ZIC2: variants seen among roughly 807,000 people sequenced by gnomAD.
ZIC2 encodes Zic family zinc finger 2.
In ZIC2, 7 loss-of-function variants were observed where a neutral mutation model predicts 29.5. The observed-to-expected ratio is 0.24, with a 90% CI of 0.14 to 0.45. The LOEUF (loss-of-function observed/expected upper bound fraction) is 0.45, where lower values mean the gene tolerates loss of function less well. ZIC2 is among the 20% of genes least tolerant of loss of function. The pLI is 1.00. For synonymous variants in ZIC2, 408 were observed against 354.2 expected (o/e 1.15, Z -1.70); for missense variants, 589 against 781.2 (o/e 0.75, Z 2.93).
rs398124241 is a variant in ZIC2, at chr13:99,982,753, CCCACCACCA to C, written c.710_718del (p.His237_His239del). ...GGTATGAACATGGCAGCAGCCGCGGCCCACCACCACCACCACCACCACCACCACCCCGGT... is the reference window on the plus strand; with the variant it reads ...GGTATGAACATGGCAGCAGCCGCGGCCCACCACCACCACCACCACCCCGGT... On this transcript the variant is annotated inframe_deletion, in exon 1 of 3. Coordinates refer to ENST00000376335, the MANE Select transcript of ZIC2 (RefSeq NM_007129.5). 3.4e-4 allele frequency: 536 copies of C among 1,596,626 alleles called. 1 individual carries two copies. The highest frequency in any genetic ancestry group is 4.1e-4 in the Non-Finnish European group (479 of 1,176,100).
In ZIC2 at chr13:99,985,117, C is replaced by A. The variant is rs760273107; in HGVS notation, c.1239+8C>A. 2.5e-6 allele frequency: 4 copies of A among 1,613,888 alleles called. No homozygotes were observed. Among genetic ancestry groups the A allele is most frequent in the Non-Finnish European group, 3.4e-6 (4 of 1,179,908 alleles). Reference sequence around the variant, plus strand: ...CTGCGGAAGCACATGAAGGTACCACCGCGGCGGCCGGGAGGAGGGCGAGGC... The same window carrying A: ...CTGCGGAAGCACATGAAGGTACCACAGCGGCGGCCGGGAGGAGGGCGAGGC... On this transcript the variant is annotated splice_region_variant and intron_variant, in intron 2 of 2. Transcript: ENST00000376335. The surrounding 1 kb of genome is among the most constrained non-coding windows in gnomAD (Gnocchi z 6.3).
Position 99,985,207 on chromosome 13 carries a change from G to A in ZIC2, c.1239+98G>A. ...AGCCGGCCTGGGAGGGTCCCCAGGG[G>A]CCAGGGCGGCGGGGGGAACATTTCT... On this transcript the variant is annotated intron_variant, in intron 2 of 2. Transcript: ENST00000376335. This position sits in a 1 kb window ranked among gnomAD's most constrained non-coding sequence, Gnocchi z 6.3. 1 of 1,604,182 alleles carries A rather than the reference G, an allele frequency of 6.2e-7. No individual in the cohort carries two copies.
At chr13:99,984,673 G>A (rs181304244) in intron 1 of ZIC2, 313 of 471,306 alleles carry the variant, frequency 6.6e-4, no homozygotes, top group African/African-American at 5.7e-3. Flanking sequence ...AGAAAGGCAG[G>A]CAGGGCTAGG....
intron 1 of ZIC2, 86 bp from the exon 2 acceptor site, chr13:99,984,860 G>A (rs950626015): frequency 1.3e-5 from 21 of 1,583,838 alleles, no homozygotes; most frequent in Admixed American, 1.7e-5. Context: ...CTTCTCCCTC[G>A]CCGCGGCCCA....
Position 99,986,186 on chromosome 13 carries a change from T to C in ZIC2, c.*504T>C, listed in dbSNP as rs755384402. 133 of 324,768 alleles carry C rather than the reference T, an allele frequency of 4.1e-4. 2 individuals carry two copies. The highest frequency in any genetic ancestry group is 2.5e-3 in the Middle Eastern group (6 of 2,408). 20.1% of individuals were successfully genotyped at this position (324,768 alleles called of 1,614,324 possible). Reference sequence around the variant, plus strand: ...TGGGCTTTCTCTTTTCTCTTTTTAGTTTACCCGGTTTCTTTTTAAGTAATG... The same window carrying C: ...TGGGCTTTCTCTTTTCTCTTTTTAGCTTACCCGGTTTCTTTTTAAGTAATG... On this transcript the variant is annotated 3_prime_UTR_variant, in exon 3 of 3. Transcript: ENST00000376335.
rs768387725 is a variant in ZIC2 at position 99,986,041 on chromosome 13, ACTC to A, written c.*365_*367del. 16 of 455,236 alleles carry A rather than the reference ACTC, an allele frequency of 3.5e-5. No individual in the cohort carries two copies. Among genetic ancestry groups the A allele is most frequent in the South Asian group, 2.0e-4 (13 of 64,432 alleles). 28.2% of individuals were successfully genotyped at this position (455,236 alleles called of 1,614,324 possible). A position where few individuals can be genotyped will look rare whatever the true frequency, so the allele number is the denominator to read the frequency against. On this transcript the variant is annotated 3_prime_UTR_variant, in exon 3 of 3. Transcript: ENST00000376335. ...TTCTGACAAACTGTGTACATAGCGGACTCCTCCTTTCTCCTCCGAGGTGGTTTT... is the reference window on the plus strand; with the variant it reads ...TTCTGACAAACTGTGTACATAGCGGACTCCTTTCTCCTCCGAGGTGGTTTT...
chr13:99,981,932 G>A lies in ZIC2; in HGVS notation c.-133G>A. 8 of 1,176,618 alleles carry A rather than the reference G, an allele frequency of 6.8e-6. No homozygotes were observed. The highest frequency in any genetic ancestry group is 8.4e-6 in the Non-Finnish European group (8 of 954,364). 72.9% of individuals were successfully genotyped at this position (1,176,618 alleles called of 1,614,324 possible). On this transcript the variant is annotated 5_prime_UTR_variant, in exon 1 of 3. Coordinates refer to ENST00000376335, the MANE Select transcript of ZIC2 (RefSeq NM_007129.5). Reference sequence around the variant, plus strand: ...GCGGGCGCAGGAGAGCGGCTCCCAGGGCTGAAGTGGCCGCCACCACCGCCG... The same window carrying A: ...GCGGGCGCAGGAGAGCGGCTCCCAGAGCTGAAGTGGCCGCCACCACCGCCG...
In ZIC2 at chr13:99,982,142, G is replaced by C. The variant is rs747154732; in HGVS notation, c.78G>C (p.Ala26=). Residue 26 remains alanine, a synonymous_variant, in exon 1 of 3, where the codon GCG becomes GCC. Transcript: ENST00000376335. ...SFARHHHHSA[A]AAAAAAAEMQ... The stretch of plus-strand genomic sequence containing the variant: ...CGCGCCACCATCACCACTCCGCCGC[G>C]GCGGCGGCGGCGGCTGCCGCCGAGA... 19 of 1,291,214 alleles carry C rather than the reference G, an allele frequency of 1.5e-5. No individual in the cohort carries two copies. The Admixed American group carries it at 2.0e-4, about 13-fold the overall frequency. The allele number at this position is 1,291,214 out of a possible 1,614,324, so 80.0% of individuals were successfully genotyped here.
Position 99,982,205 on chromosome 13 carries a change from C to G in ZIC2, c.141C>G (p.Asn47Lys). The G allele has an allele frequency of 1.3e-6, 2 of 1,503,004 alleles. No individual in the cohort carries two copies. The highest frequency in any genetic ancestry group is 1.8e-6 in the Non-Finnish European group (2 of 1,132,592). 93.1% of individuals were successfully genotyped at this position (1,503,004 alleles called of 1,614,324 possible). A position where few individuals can be genotyped will look rare whatever the true frequency, so the allele number is the denominator to read the frequency against. Residue 47 changes from asparagine (N) to lysine (K), a missense_variant, in exon 1 of 3, where the codon AAC becomes AAG. Physicochemically the swap from Asn to Lys is moderately conservative, Grantham distance 94 (BLOSUM62 0). Transcript: ENST00000376335. ...AACTGAGCCTGGCGGCGGCGCAGAA[C>G]GGCTTCGTTGACTCCGCCGCCGCGC... ...DRELSLAAAQNGFVDSAAAHM... is the reference protein window; with the variant it reads ...DRELSLAAAQKGFVDSAAAHM...
chr13:99,983,267 T>A lies in ZIC2; in HGVS notation c.1075+128T>A. On this transcript the variant is annotated intron_variant, in intron 1 of 2. Coordinates refer to ENST00000376335, the MANE Select transcript of ZIC2 (RefSeq NM_007129.5). This position sits in a 1 kb window ranked among gnomAD's most constrained non-coding sequence, Gnocchi z 4.7. ...ACCTGGGATGGGAGGTGTTTTTGCGTGTACGAAAGAGCCAGCAGCTTGTTT... is the reference window on the plus strand; with the variant it reads ...ACCTGGGATGGGAGGTGTTTTTGCGAGTACGAAAGAGCCAGCAGCTTGTTT... 7.9e-7 allele frequency: 1 copy of A among 1,262,334 alleles called. No homozygotes were observed. Among genetic ancestry groups the A allele is most frequent in the Non-Finnish European group, 1.1e-6 (1 of 925,690 alleles). 78.2% of individuals were successfully genotyped at this position (1,262,334 alleles called of 1,614,324 possible).
At position 99,985,540 on chromosome 13, in the gene ZIC2, G is replaced by GAGGCGGCTC. The variant is rs1263283600; in HGVS notation, c.1465_1473dup (p.Ser489_Gly491dup). 2.0e-6 allele frequency: 2 copies of GAGGCGGCTC among 1,002,266 alleles called. No individual in the cohort carries two copies. The highest frequency in any genetic ancestry group is 2.1e-4 in the East Asian group (2 of 9,430). 62.1% of individuals were successfully genotyped at this position (1,002,266 alleles called of 1,614,324 possible). On this transcript the variant is annotated inframe_insertion, in exon 3 of 3. Transcript: ENST00000376335. The surrounding 1 kb of genome is among the most constrained non-coding windows in gnomAD (Gnocchi z 6.3). ...GGAGGCTCGGGCAGTGGCGGCGCGG[G>GAGGCGGCTC]AGGCGGCTCAGGCGGCGGCAGCGGC...
intron 1 of ZIC2, 28 bp from the exon 2 acceptor site, chr13:99,984,918 A>G: frequency 1.2e-6 from 2 of 1,613,864 alleles, no homozygotes; most frequent in Non-Finnish European, 1.7e-6. Context: ...GGGTGTCTGC[A>G]GCCAGCGCCG....
chr13:99,982,728 G>A lies in ZIC2; in HGVS notation c.664G>A (p.Gly222Ser). 23 of 1,601,342 alleles carry A rather than the reference G, an allele frequency of 1.4e-5. No individual in the cohort carries two copies. Among genetic ancestry groups the A allele is most frequent in the Non-Finnish European group, 1.8e-5 (21 of 1,179,892 alleles). The change falls in exon 1 of 3, where the codon GGT (glycine) becomes AGT (serine). Residue 222 changes from glycine to serine, a missense_variant. Physicochemically the swap from Gly to Ser is moderately conservative, Grantham distance 56. Coordinates refer to ENST00000376335, the MANE Select transcript of ZIC2 (RefSeq NM_007129.5). ...NQYGPMNMNM[G>S]MNMAAAAAHH... Reference sequence around the variant, plus strand: ...GTACGGCCCCATGAATATGAACATGGGTATGAACATGGCAGCAGCCGCGGC... The same window carrying A: ...GTACGGCCCCATGAATATGAACATGAGTATGAACATGGCAGCAGCCGCGGC...
At position 99,985,624 on chromosome 13, in the gene ZIC2, G is replaced by C; in HGVS notation, c.1541G>C (p.Ser514Thr). 1 of 1,217,122 alleles carries C rather than the reference G, an allele frequency of 8.2e-7. No homozygotes were observed. The allele number at this position is 1,217,122 out of a possible 1,614,324, so 75.4% of individuals were successfully genotyped here. The change falls in exon 3 of 3, where the codon AGC (serine) becomes ACC (threonine). Residue 514 changes from serine to threonine, a missense_variant. Ser to Thr is a moderately conservative substitution (Grantham distance 58). This residue lies in a region of ZIC2 where 135 missense variants were observed against 136.7 expected (regional missense o/e 0.99). Coordinates refer to ENST00000376335, the MANE Select transcript of ZIC2 (RefSeq NM_007129.5). The surrounding 1 kb of genome is among the most constrained non-coding windows in gnomAD (Gnocchi z 6.3). ...GGGGGSSGGG[S>T]GTAGGHSGLS... Reference sequence around the variant, plus strand: ...GGCGGCGGCAGCTCTGGCGGGGGCAGCGGGACAGCCGGGGGTCACAGCGGC... The same window carrying C: ...GGCGGCGGCAGCTCTGGCGGGGGCACCGGGACAGCCGGGGGTCACAGCGGC...
At position 99,985,341 on chromosome 13, in the gene ZIC2, C is replaced by A. The variant is rs758397366; in HGVS notation, c.1258C>A (p.Gln420Lys). ...CTTGCAGGTCCATGAGTCCTCCCCGCAGGGCTCTGAATCCTCCCCGGCCGC... is the reference window on the plus strand; with the variant it reads ...CTTGCAGGTCCATGAGTCCTCCCCGAAGGGCTCTGAATCCTCCCCGGCCGC... ...KHMKVHESSP[Q>K]GSESSPAASS... The change falls in exon 3 of 3, where the codon CAG becomes AAG. Residue 420 changes from glutamine (Q) to lysine (K), a missense_variant. Around this residue, in one of 7 missense-constraint regions of ZIC2, gnomAD observed 36 missense variants for 72.9 expected, o/e 0.49. Coordinates refer to ENST00000376335, the MANE Select transcript of ZIC2 (RefSeq NM_007129.5). The surrounding 1 kb of genome is among the most constrained non-coding windows in gnomAD (Gnocchi z 6.3). The A allele has an allele frequency of 1.0e-5, 16 of 1,598,088 alleles. No individual in the cohort carries two copies. Among genetic ancestry groups the A allele is most frequent in the Non-Finnish European group, 1.4e-5 (16 of 1,179,418 alleles).
In ZIC2 at chr13:99,982,250, C is replaced by A; in HGVS notation, c.186C>A (p.Leu62=). 1 of 1,512,330 alleles carries A rather than the reference C, an allele frequency of 6.6e-7. No individual in the cohort carries two copies. The allele number at this position is 1,512,330 out of a possible 1,614,324, so 93.7% of individuals were successfully genotyped here. A position where few individuals can be genotyped will look rare whatever the true frequency, so the allele number is the denominator to read the frequency against. ...SAAAHMGAFK[L]NPGAHELSPG... The stretch of plus-strand genomic sequence containing the variant: ...CCGCGCACATGGGAGCCTTCAAGCT[C>A]AACCCGGGCGCGCACGAGCTGTCCC... Residue 62 remains leucine (L), a synonymous_variant, in exon 1 of 3, where the codon CTC becomes CTA. Transcript: ENST00000376335.
rs200580362 is a variant in ZIC2, at chr13:99,985,320, C to A, written c.1240-3C>A. On this transcript the variant is annotated splice_polypyrimidine_tract_variant and splice_region_variant and intron_variant, in intron 2 of 2. Coordinates refer to ENST00000376335, the MANE Select transcript of ZIC2 (RefSeq NM_007129.5). This position sits in a 1 kb window ranked among gnomAD's most constrained non-coding sequence, Gnocchi z 6.3. The stretch of plus-strand genomic sequence containing the variant: ...GTCCCCCCTCCCGGCTTTTGTCTTG[C>A]AGGTCCATGAGTCCTCCCCGCAGGG... 14 of 1,598,324 alleles carry A rather than the reference C, an allele frequency of 8.8e-6. No individual in the cohort carries two copies. The highest frequency in any genetic ancestry group is 1.3e-5 in the African/African-American group (1 of 74,874).
At chr13:99,984,884 C>T (rs909028447) in intron 1 of ZIC2, 62 bp from the exon 2 acceptor site, 5 of 1,612,038 alleles carry the variant, frequency 3.1e-6, no homozygotes, top group Non-Finnish European at 4.2e-6. Context: ...CCCTCGCAGC[C>T]TGAGTGGGGG....
rs992779557 is a variant in ZIC2 at position 99,982,019 on chromosome 13, C to A, written c.-46C>A. 5.8e-6 allele frequency: 7 copies of A among 1,214,716 alleles called. No individual in the cohort carries two copies. In the African/African-American group the frequency reaches 7.9e-5, roughly 14 times the overall value. 75.2% of individuals were successfully genotyped at this position (1,214,716 alleles called of 1,614,324 possible). A position where few individuals can be genotyped will look rare whatever the true frequency, so the allele number is the denominator to read the frequency against. The stretch of plus-strand genomic sequence containing the variant: ...CGCGGATCGGGAGCGGGAGTCGAGG[C>A]GGCGCGGAGGCGCAGGGCTCGCAGG... On this transcript the variant is annotated 5_prime_UTR_variant, in exon 1 of 3. Transcript: ENST00000376335.
Sources: allele counts gnomAD v4.1 joint callset, GRCh38; gene constraint gnomAD v4.1.1; regional missense constraint gnomAD v4.1.1; non-coding constraint Gnocchi (gnomAD v3.1); transcripts MANE v1.5; gene names NCBI Gene and HGNC (gene_info 2026-07-23, HGNC 2026-07-21).